The following CSMD3 variants were observed in gnomAD, a reference collection of about 807,000 sequenced individuals.
CSMD3 encodes the protein CUB and sushi domain-containing protein 3.
In CSMD3, 177 loss-of-function variants were observed where a neutral mutation model predicts 435.2. The ratio of observed to expected loss-of-function variants is 0.41; its 90% CI spans 0.36 to 0.46. The LOEUF (loss-of-function observed/expected upper bound fraction) is 0.46. CSMD3 is among the 20% of genes least tolerant of loss of function. The probability of loss-of-function intolerance (pLI) is 0.34; values close to 1 mark genes in which losing one functional copy is unlikely to be tolerated. For synonymous variants in CSMD3, 1,656 were observed against 1,520.5 expected, an observed-to-expected ratio of 1.09 and a Z score of -2.07; for missense variants, 4,265 against 4,504.6, an observed-to-expected ratio of 0.95 and a Z score of 1.52.
In CSMD3 at chr8:112,558,996, C is replaced by A. The variant is rs182371558; in HGVS notation, c.4043-2042G>T. Among the ~76,000 whole-genome samples, 389 of 151,832 alleles carry A rather than the reference C, an allele frequency of 2.6e-3. 1 individual carries two copies. Among genetic ancestry groups the A allele is most frequent in the Admixed American group, 8.0e-3 (122 of 15,190 alleles). The stretch of plus-strand genomic sequence containing the variant: ...GGAAAAAGCACAGTTCTTAGAAATT[C>A]TCACAGGAAAAAAAATAGAGGCTTC... On this transcript the variant is annotated intron_variant, in intron 24 of 70. Coordinates refer to ENST00000297405, the MANE Select transcript of CSMD3 (RefSeq NM_198123.2).
intron 10 of CSMD3, among the ~76,000 whole-genome samples, chr8:112,860,564 T>C (rs1258478916): frequency 2.0e-5 from 3 of 151,770 alleles, no homozygotes; most frequent in Admixed American, 6.6e-5. Context: ...CTGATTCTCA[T>C]TCTCATTTCA....
At chr8:112,337,428 C>T (rs1824681995) in intron 43 of CSMD3, 115 bp downstream of exon 43, 2 of 815,704 alleles carry the variant, frequency 2.5e-6, no homozygotes, top group Non-Finnish European at 4.2e-6. Context: ...ATATCTTCAG[C>T]TGAGAGACTA....
chr8:112,839,451 T>C (rs1349600024), intron 11 of CSMD3, among the ~76,000 whole-genome samples: 1 of 151,788 alleles, frequency 6.6e-6, no homozygotes, highest in Non-Finnish European at 1.5e-5. Context: ...CATTTATTCA[T>C]GCTTAGCTAC....
chr8:113,405,685 AG>A (rs2094529561), intron 1 of CSMD3, among the ~76,000 whole-genome samples: 1 of 151,742 alleles, frequency 6.6e-6, no homozygotes, highest in South Asian at 2.1e-4. Flanking sequence ...AATATCATGC[AG>A]ATGAAAATGT....
intron 32 of CSMD3, among the ~76,000 whole-genome samples, chr8:112,420,456 C>G (rs1018700541): frequency 6.6e-6 from 1 of 151,922 alleles, no homozygotes; most frequent in East Asian, 1.9e-4. Flanking sequence ...TTTCTTGTTC[C>G]GATTTCCCTG....
At chr8:112,295,793 A>G in intron 54 of CSMD3, 40 bp downstream of exon 54, 1 of 1,574,826 alleles carries the variant, frequency 6.3e-7, no homozygotes, top group Non-Finnish European at 8.7e-7. Flanking sequence ...ATTATTCCAA[A>G]GATCAGAGGT....
intron 22 of CSMD3, among the ~76,000 whole-genome samples, chr8:112,588,135 T>C (rs1392611568): frequency 6.6e-6 from 1 of 150,644 alleles, no homozygotes; most frequent in East Asian, 2.0e-4. Flanking sequence ...TACCAAACCA[T>C]AGGGCAGAAA....
chr8:112,381,650 T>G (rs2131242722), intron 37 of CSMD3, among the ~76,000 whole-genome samples: 1 of 152,280 alleles, frequency 6.6e-6, no homozygotes, highest in African/African-American at 2.4e-5. Context: ...ACTTGCTTCT[T>G]TTCTGGCCAT....
chr8:112,800,316 A>C (rs749108143), intron 12 of CSMD3, 42 bp from the exon 13 acceptor site: 17 of 1,183,866 alleles, frequency 1.4e-5, no homozygotes, highest in Non-Finnish European at 2.0e-5. Context: ...GGGTTATTAA[A>C]ACATCCTCTG....
intron 13 of CSMD3, among the ~76,000 whole-genome samples, chr8:112,703,469 G>A (rs1287830883): frequency 6.6e-6 from 1 of 152,138 alleles, no homozygotes; most frequent in Non-Finnish European, 1.5e-5. Flanking sequence ...AAGTGACCAA[G>A]TAACTTTGAT....
At chr8:112,284,055 A>C (rs1463291669) in intron 58 of CSMD3, among the ~76,000 whole-genome samples, 2 of 151,852 alleles carry the variant, frequency 1.3e-5, no homozygotes, top group Admixed American at 1.3e-4. Flanking sequence ...AAAACATTAA[A>C]AATTTAACTT....
chr8:112,685,618 C>T lies in CSMD3; in HGVS notation c.2270G>A (p.Ser757Asn), dbSNP rs555625515. Residue 757 changes from serine (S) to asparagine (N), a missense_variant, in exon 15 of 71, where the codon AGC (serine) becomes AAC (asparagine). Ser to Asn is a conservative substitution (Grantham distance 46, BLOSUM62 1). Transcript: ENST00000297405. Reference protein sequence around the residue: ...CIWTIISDPGSRIHLSFNDFD... With the variant: ...CIWTIISDPGNRIHLSFNDFD... ...GTCATTGAAAGAAAGATGTATCCGG[C>T]TCCCTGGATCAGAGATTATCGTCCA... is the stretch of plus-strand genomic sequence containing the variant. 5.0e-6 allele frequency: 8 copies of T among 1,613,648 alleles called. No individual in the cohort carries two copies. The highest frequency in any genetic ancestry group is 3.3e-5 in the South Asian group (3 of 91,072).
In CSMD3 at chr8:112,472,645, T is replaced by A. The variant is rs1204050815; in HGVS notation, c.5341A>T (p.Asn1781Tyr). ...GTVLSPNYPK[N>Y]YSVGHNCVYS... ...ACACAATTATGTCCCACACTGTAAT[T>A]TTTTGGATAGTTTGGTGATAGAACA... The change falls in exon 32 of 71, where the codon AAT becomes TAT. Residue 1781 changes from asparagine to tyrosine, a missense_variant. Asn to Tyr is a moderately radical substitution (Grantham distance 143). Transcript: ENST00000297405. 1 of 1,612,332 alleles carries A rather than the reference T, an allele frequency of 6.2e-7. No individual in the cohort carries two copies.
chr8:113,008,399 G>A (rs758741645), intron 6 of CSMD3, among the ~76,000 whole-genome samples: 3 of 151,620 alleles, frequency 2.0e-5, no homozygotes, highest in Non-Finnish European at 4.4e-5. Context: ...TCTTATAATT[G>A]GCTAGCACTA....
chr8:113,103,631 A>G (rs924259209), intron 4 of CSMD3, among the ~76,000 whole-genome samples: 8 of 152,074 alleles, frequency 5.3e-5, no homozygotes, highest in African/African-American at 1.9e-4. Flanking sequence ...ATTAAAAACT[A>G]TGGCTGTTAA....
chr8:113,053,598 TTATACA>T (rs1358037627), intron 5 of CSMD3, among the ~76,000 whole-genome samples: 6 of 152,184 alleles, frequency 3.9e-5, no homozygotes, highest in Admixed American at 1.3e-4. Context: ...ATGAACTTAC[TTATACA>T]TATACAAGTG....
intron 5 of CSMD3, among the ~76,000 whole-genome samples, chr8:113,069,021 T>C (rs1365130049): frequency 1.6e-5 from 2 of 128,328 alleles, no homozygotes; most frequent in Non-Finnish European, 3.2e-5. Context: ...TTAACCAAGG[T>C]TTCAAGTGAA....
intron 1 of CSMD3, among the ~76,000 whole-genome samples, chr8:113,375,779 C>T (rs2094378428): frequency 6.6e-6 from 1 of 151,498 alleles, no homozygotes; most frequent in Non-Finnish European, 1.5e-5. Context: ...GAGAAATGAC[C>T]GACATAAAAA....
At chr8:112,796,795 A>C (rs1046278355) in intron 13 of CSMD3, among the ~76,000 whole-genome samples, 1 of 152,052 alleles carries the variant, frequency 6.6e-6, no homozygotes, top group Non-Finnish European at 1.5e-5. Flanking sequence ...GCAAACAAAA[A>C]AAATCTCCTG....
Sources: allele counts gnomAD v4.1 joint callset (sites outside exome capture counted in the v4.1 genomes callset), GRCh38; gene constraint gnomAD v4.1.1; transcripts MANE v1.5; gene names NCBI Gene and HGNC (gene_info 2026-07-23, HGNC 2026-07-21).